Variants in HMGA2 observed in about 807,000 individuals in gnomAD.
HMGA2 encodes high mobility group protein HMGI-C.
A neutral mutation model predicts 19.1 loss-of-function variants in HMGA2; 8 were observed. The ratio of observed to expected loss-of-function variants is 0.42; its 90% CI spans 0.25 to 0.76. The LOEUF is 0.76. Among genes scored for constraint, HMGA2 ranks in the 30% least tolerant of loss-of-function variants. The pLI, the probability that HMGA2 is intolerant of heterozygous loss-of-function variation, is 0.28. For missense variants in HMGA2, 109 were observed against 136.3 expected (o/e 0.80, Z 1.00); for synonymous variants, 60 against 48.8 (o/e 1.23, Z -0.96).
intron 3 of HMGA2, among the ~76,000 whole-genome samples, chr12:65,868,605 A>G (rs1485016955): frequency 1.3e-5 from 2 of 152,172 alleles, no homozygotes; most frequent in Non-Finnish European, 2.9e-5. Context: ...CTTTTTATAC[A>G]TAATCACCAT....
At chr12:65,838,374 C>T (rs548509176) in intron 2 of HMGA2, 145 bp from the exon 3 acceptor site, 18 of 647,612 alleles carry the variant, frequency 2.8e-5, no homozygotes, top group Admixed American at 8.6e-5. Flanking sequence ...TTAGAGGAGA[C>T]GAAGTTTGTT....
intron 3 of HMGA2, among the ~76,000 whole-genome samples, chr12:65,896,229 A>G (rs1215462863): frequency 6.6e-6 from 1 of 151,924 alleles, no homozygotes; most frequent in Non-Finnish European, 1.5e-5. Flanking sequence ...TTGTCCCTTT[A>G]TTTGCTCCAG....
intron 4 of HMGA2, among the ~76,000 whole-genome samples, chr12:65,959,523 G>A (rs141615554): frequency 6.6e-6 from 1 of 152,168 alleles, no homozygotes; most frequent in Non-Finnish European, 1.5e-5. Context: ...TTGTAAAGTA[G>A]CTGCATGATG....
At chr12:65,904,220 G>A (rs1874490450) in intron 3 of HMGA2, among the ~76,000 whole-genome samples, 1 of 152,206 alleles carries the variant, frequency 6.6e-6, no homozygotes, top group African/African-American at 2.4e-5. Flanking sequence ...TAGAATCTGG[G>A]CATACTGCTT....
At chr12:65,885,731 C>T (rs1592420804) in intron 3 of HMGA2, among the ~76,000 whole-genome samples, 1 of 152,182 alleles carries the variant, frequency 6.6e-6, no homozygotes, top group African/African-American at 2.4e-5. Context: ...TAGGCTGCCT[C>T]TCCCCAAATT....
intron 3 of HMGA2, among the ~76,000 whole-genome samples, chr12:65,881,064 A>C (rs1873353162): frequency 6.6e-6 from 1 of 152,262 alleles, no homozygotes; most frequent in African/African-American, 2.4e-5. Context: ...AGTTGTAGAC[A>C]GGCACCACAT....
intron 3 of HMGA2, chr12:65,873,987 T>G (rs79938164): frequency 6.6e-6 from 1 of 152,230 alleles, no homozygotes; most frequent in Non-Finnish European, 1.5e-5. Context: ...TGAGATTTTG[T>G]TTTTTATCTC....
In HMGA2 at chr12:65,824,615, T is replaced by G; in HGVS notation, c.-656T>G. On this transcript the variant is annotated 5_prime_UTR_variant, in exon 1 of 5. Coordinates refer to ENST00000403681, the MANE Select transcript of HMGA2 (RefSeq NM_003483.6). ...GGAGGCGCGGTGCCACCCACTACTCTGTCCTCTGCCTGTGCTCCGTGCCCG... is the reference window on the plus strand; with the variant it reads ...GGAGGCGCGGTGCCACCCACTACTCGGTCCTCTGCCTGTGCTCCGTGCCCG... The G allele has an allele frequency of 8.6e-6, 2 of 233,328 alleles. No homozygotes were observed. Among genetic ancestry groups the G allele is most frequent in the Non-Finnish European group, 1.7e-5 (2 of 118,514 alleles). The allele number at this position is 233,328 out of a possible 1,614,324, so 14.5% of individuals were successfully genotyped here. A position where few individuals can be genotyped will look rare whatever the true frequency, so the allele number is the denominator to read the frequency against.
At chr12:65,928,333 T>C (rs970811627) in intron 3 of HMGA2, among the ~76,000 whole-genome samples, 1 of 152,178 alleles carries the variant, frequency 6.6e-6, no homozygotes, top group Non-Finnish European at 1.5e-5. Context: ...GCACTTACCA[T>C]GGATGGAAAT....
chr12:65,959,990 C>T (rs1876706640), intron 4 of HMGA2, among the ~76,000 whole-genome samples: 1 of 152,094 alleles, frequency 6.6e-6, no homozygotes, highest in Non-Finnish European at 1.5e-5. Context: ...CCTGGGTTCA[C>T]AGCATTCTCC....
At chr12:65,860,164 C>T (rs1177230721) in intron 3 of HMGA2, 7 of 330,940 alleles carry the variant, frequency 2.1e-5, no homozygotes, top group Middle Eastern at 8.0e-4. Flanking sequence ...ATCCTAGCTT[C>T]GCCTAGCCTA....
chr12:65,956,606 C>T (rs778670259), intron 4 of HMGA2: 2 of 152,188 alleles, frequency 1.3e-5, no homozygotes, highest in Non-Finnish European at 2.9e-5. Flanking sequence ...GAGATGACAA[C>T]TTCTAACAGA....
intron 2 of HMGA2, among the ~76,000 whole-genome samples, chr12:65,834,584 C>CTTCCTCCCTTCCTCCCTCCCTCCCTCCG (rs1427516050): frequency 6.8e-6 from 1 of 146,858 alleles, no homozygotes; most frequent in Non-Finnish European, 1.5e-5. Flanking sequence ...CACTCCCTCC[C>CTTCCTCCCTTCCTCCCTCCCTCCCTCCG]TTCCTCCCTT....
At chr12:65,884,527 G>T (rs1873577684) in intron 3 of HMGA2, among the ~76,000 whole-genome samples, 1 of 152,112 alleles carries the variant, frequency 6.6e-6, no homozygotes, top group South Asian at 2.1e-4. Flanking sequence ...TTGCTGTCAA[G>T]GGCAAAATTT....
At chr12:65,953,177 A>G (rs1876512723) in intron 4 of HMGA2, 1 of 152,130 alleles carries the variant, frequency 6.6e-6, no homozygotes, top group Non-Finnish European at 1.5e-5. Context: ...CTGGAGATCC[A>G]TCATATTTTT....
intron 3 of HMGA2, among the ~76,000 whole-genome samples, chr12:65,918,883 G>A (rs1875202752): frequency 6.6e-6 from 1 of 152,160 alleles, no homozygotes; most frequent in African/African-American, 2.4e-5. Context: ...CCTATTTTTA[G>A]GAGTGAGGTG....
intron 3 of HMGA2, chr12:65,881,772 A>C (rs1459840305): frequency 2.8e-6 from 2 of 703,060 alleles, no homozygotes; most frequent in Non-Finnish European, 5.2e-6. Context: ...CGTGCTGGTG[A>C]AGGAAGCCTG....
intron 3 of HMGA2, among the ~76,000 whole-genome samples, chr12:65,876,191 CTG>C (rs1021385518): frequency 1.3e-5 from 2 of 151,000 alleles, no homozygotes; most frequent in African/African-American, 4.9e-5. Flanking sequence ...CTGTTCCAGC[CTG>C]TTAGTTAAAT....
intron 3 of HMGA2, among the ~76,000 whole-genome samples, chr12:65,941,038 T>C (rs535035193): frequency 6.6e-6 from 1 of 152,298 alleles, no homozygotes; most frequent in East Asian, 1.9e-4. Context: ...CAGAGAGACA[T>C]TTCTGGAATA....
Sources: gnomAD v4.1 joint callset for allele counts (sites outside exome capture counted in the v4.1 genomes callset) on GRCh38, gnomAD v4.1.1 for gene constraint, MANE v1.5 for transcripts, NCBI Gene and HGNC (gene_info 2026-07-23, HGNC 2026-07-21) for gene names.